Variants in STPG2 observed in about 807,000 individuals in gnomAD.
STPG2 encodes the protein sperm-tail PG-rich repeat-containing protein 2.
A neutral mutation model predicts 54.2 loss-of-function variants in STPG2; 56 were observed. The observed-to-expected ratio is 1.03, with a 90% CI of 0.83 to 1.29. The LOEUF (loss-of-function observed/expected upper bound fraction) is 1.29, where lower values mean the gene tolerates loss of function less well. Among genes scored for constraint, STPG2 ranks in the 50% most tolerant of loss-of-function variants. The probability of loss-of-function intolerance (pLI) is 0.00; values close to 1 mark genes in which losing one functional copy is unlikely to be tolerated. For synonymous variants in STPG2, 200 were observed against 181.8 expected (o/e 1.10, Z -0.81); for missense variants, 596 against 544.9 (o/e 1.09, Z -0.93).
intron 2 of STPG2, among the ~76,000 whole-genome samples, chr4:98,129,394 C>A (rs13138438): frequency 0.4 from 60,115 of 151,928 alleles, 12,138 homozygotes; most frequent in Middle Eastern, 0.46. Flanking sequence ...CCTAAGTATG[C>A]AAGCTATATA....
At chr4:97,979,159 T>C (rs1018769061) in intron 6 of STPG2, among the ~76,000 whole-genome samples, 1 of 152,156 alleles carries the variant, frequency 6.6e-6, no homozygotes, top group African/African-American at 2.4e-5. Context: ...TCGTATCATC[T>C]TGGGATAAAA....
chr4:97,740,867 A>C (rs1218838523), intron 9 of STPG2, among the ~76,000 whole-genome samples: 5 of 152,204 alleles, frequency 3.3e-5, no homozygotes, highest in African/African-American at 7.2e-5. Context: ...AAACTACTTT[A>C]AAGTTCATAT....
chr4:97,996,361 C>A (rs545635670), intron 5 of STPG2, among the ~76,000 whole-genome samples: 1 of 152,164 alleles, frequency 6.6e-6, no homozygotes, highest in African/African-American at 2.4e-5. Context: ...AAGAACTCCT[C>A]GTTTAATAGA....
intron 10 of STPG2, among the ~76,000 whole-genome samples, chr4:97,665,791 C>T (rs1277119823): frequency 6.6e-6 from 1 of 152,136 alleles, no homozygotes; most frequent in Non-Finnish European, 1.5e-5. Context: ...CTCCCATGCT[C>T]ATTGGTGCCC....
intron 9 of STPG2, among the ~76,000 whole-genome samples, chr4:97,766,493 T>C (rs1001895446): frequency 6.6e-6 from 1 of 152,112 alleles, no homozygotes; most frequent in South Asian, 2.1e-4. Context: ...GTCTATTGCA[T>C]GTGAGCCCAA....
intron 4 of STPG2, among the ~76,000 whole-genome samples, chr4:97,473,448 G>A (rs1458631949): frequency 2.6e-5 from 4 of 152,022 alleles, no homozygotes; most frequent in South Asian, 2.1e-4. Context: ...CTCCCATAGC[G>A]CTCCCAGGCT....
intron 8 of STPG2, among the ~76,000 whole-genome samples, chr4:97,934,825 G>C (rs2149222241): frequency 6.6e-6 from 1 of 151,978 alleles, no homozygotes; most frequent in Middle Eastern, 3.4e-3. Context: ...TTTTTGTTTT[G>C]TTTTGTCTCT....
At position 98,109,314 on chromosome 4, in the gene STPG2, T is replaced by A; in HGVS notation, c.388-9A>T. On this transcript the variant is annotated splice_polypyrimidine_tract_variant and intron_variant, in intron 3 of 10. Coordinates refer to ENST00000295268, the MANE Select transcript of STPG2 (RefSeq NM_174952.3). ...GTTGCATTGGAAACATCCTAAAAAA[T>A]AAAAAGTTTTAAAAAGTGAGGATGA... 1 of 1,546,436 alleles carries A rather than the reference T, an allele frequency of 6.5e-7. No individual in the cohort carries two copies. Among genetic ancestry groups the A allele is most frequent in the Admixed American group, 1.8e-5 (1 of 55,846 alleles).
intron 4 of STPG2, among the ~76,000 whole-genome samples, chr4:97,481,334 A>C (rs1045015346): frequency 6.6e-6 from 1 of 151,462 alleles, no homozygotes; most frequent in African/African-American, 2.4e-5. Context: ...TTTTATTCAC[A>C]ATTGTTTTGG....
At chr4:97,459,481 C>A (rs1252930013) in intron 4 of STPG2, among the ~76,000 whole-genome samples, 1 of 149,050 alleles carries the variant, frequency 6.7e-6, no homozygotes, top group African/African-American at 2.5e-5. Context: ...GCTCTGTCGC[C>A]CAGGCTGGAG....
intron 8 of STPG2, among the ~76,000 whole-genome samples, chr4:97,884,687 G>A (rs1202126502): frequency 6.6e-6 from 1 of 151,610 alleles, no homozygotes; most frequent in Non-Finnish European, 1.5e-5. Context: ...TCTACATTGG[G>A]TAAAGAAAAA....
chr4:98,132,391 A>G (rs960812366), intron 2 of STPG2, among the ~76,000 whole-genome samples: 31 of 152,186 alleles, frequency 2.0e-4, no homozygotes, highest in Admixed American at 6.5e-4. Flanking sequence ...TTAAACCTTT[A>G]CTATTTTAAC....
At chr4:97,844,543 T>C (rs1332838017) in intron 8 of STPG2, among the ~76,000 whole-genome samples, 1 of 152,042 alleles carries the variant, frequency 6.6e-6, no homozygotes, top group Non-Finnish European at 1.5e-5. Context: ...AGCCTACAAT[T>C]AGTGATACTG....
chr4:97,990,161 T>C (rs1046096179), intron 5 of STPG2, among the ~76,000 whole-genome samples: 1 of 152,216 alleles, frequency 6.6e-6, no homozygotes, highest in Non-Finnish European at 1.5e-5. Flanking sequence ...AATGGACAAA[T>C]GAAATCTTGA....
chr4:97,542,249 C>G (rs962814652), intron 4 of STPG2, among the ~76,000 whole-genome samples: 1 of 152,126 alleles, frequency 6.6e-6, no homozygotes, highest in Admixed American at 6.6e-5. Context: ...CCAGAATCTA[C>G]AAAGAACTCA....
rs534479431 is a variant in STPG2, at chr4:97,882,376, A to G, written c.1045-41444T>C. On this transcript the variant is annotated intron_variant, in intron 8 of 10. Transcript: ENST00000295268. ...TCTCCCATGTGATATAAAAGACTCA[A>G]CCTACAGGAAGAAAGGCAGTAAACC... 1.1e-4 allele frequency among the ~76,000 whole-genome samples: 16 copies of G among 152,296 alleles called. No homozygotes were observed. In the East Asian group the frequency reaches 2.9e-3, roughly 28 times the overall value.
intron 8 of STPG2, among the ~76,000 whole-genome samples, chr4:97,901,581 T>C (rs951335331): frequency 4.6e-5 from 7 of 151,950 alleles, no homozygotes; most frequent in Admixed American, 4.6e-4. Flanking sequence ...TTATTTCTTA[T>C]AGTATCAAAA....
chr4:97,882,976 TACACACACAC>T (rs34481744), intron 8 of STPG2, among the ~76,000 whole-genome samples: 3 of 146,842 alleles, frequency 2.0e-5, no homozygotes, highest in Non-Finnish European at 3.0e-5. Context: ...ACATACCACA[TACACACACAC>T]ACACACACAC....
At chr4:97,461,733 T>C (rs976300527) in intron 4 of STPG2, among the ~76,000 whole-genome samples, 5 of 152,234 alleles carry the variant, frequency 3.3e-5, no homozygotes, top group African/African-American at 1.2e-4. Context: ...TTTCATATGT[T>C]AACTTTCCAT....
Sources: allele counts gnomAD v4.1 joint callset (sites outside exome capture counted in the v4.1 genomes callset), GRCh38; gene constraint gnomAD v4.1.1; transcripts MANE v1.5; gene names NCBI Gene and HGNC (gene_info 2026-07-23, HGNC 2026-07-21).